Variants in KRT23 observed in about 807,000 individuals in gnomAD.
KRT23 encodes keratin, type I cytoskeletal 23.
Under a neutral mutation model 47.6 loss-of-function variants are expected in KRT23, and 38 were observed. That is an observed-to-expected ratio of 0.80 (90% CI 0.62 to 1.05). The LOEUF is 1.05. Ranked by LOEUF, KRT23 falls within the 50% of genes least tolerant of loss-of-function variation. The probability of loss-of-function intolerance (pLI) is 0.00; values close to 1 mark genes in which losing one functional copy is unlikely to be tolerated. For synonymous variants in KRT23, 191 were observed against 199.0 expected, an observed-to-expected ratio of 0.96 and a Z score of 0.34; for missense variants, 503 against 529.5, an observed-to-expected ratio of 0.95 and a Z score of 0.49.
intron 7 of KRT23, chr17:40,925,069 G>T (rs1299180028): frequency 1.7e-5 from 7 of 405,768 alleles, no homozygotes; most frequent in Non-Finnish European, 3.1e-5. Flanking sequence ...CCAAAATTGT[G>T]TGCATTCCTA....
In KRT23 at chr17:40,936,191, G is replaced by A. The variant is rs1471910313; in HGVS notation, c.396+17C>T. On this transcript the variant is annotated intron_variant, in intron 2 of 8. Transcript: ENST00000209718. ...AAGCAGCCCCATCTGGATCTCCAGG[G>A]TCACCCAGCATCTTACCTGCTCCTG... 6 of 1,613,726 alleles carry A rather than the reference G, an allele frequency of 3.7e-6. No homozygotes were observed. The highest frequency in any genetic ancestry group is 5.1e-6 in the Non-Finnish European group (6 of 1,179,908).
chr17:40,928,731 A>G, intron 4 of KRT23, 124 bp from the exon 5 acceptor site: 1 of 845,492 alleles, frequency 1.2e-6, no homozygotes, highest in Non-Finnish European at 1.8e-6. Context: ...TCCCACTGTC[A>G]CTGGTTTGGT....
At chr17:40,931,223 G>T (rs1001166156) in intron 3 of KRT23, 150 bp downstream of exon 3, 40 of 591,916 alleles carry the variant, frequency 6.8e-5, no homozygotes, top group Non-Finnish European at 9.9e-5. Context: ...TGTTGGCCAG[G>T]ATGGTCTCGA....
chr17:40,936,107 T>A, intron 2 of KRT23, 101 bp downstream of exon 2: 1 of 1,279,216 alleles, frequency 7.8e-7, no homozygotes, highest in Non-Finnish European at 1.1e-6. Flanking sequence ...CAAGCGCTGA[T>A]GCCATTTTCC....
intron 4 of KRT23, 169 bp downstream of exon 4, chr17:40,929,771 C>T (rs1347854857): frequency 1.9e-6 from 1 of 533,834 alleles, no homozygotes; most frequent in South Asian, 4.2e-5. Context: ...GACTAGCTAA[C>T]CTTGAAATTA....
chr17:40,931,328 GCAAA>G, intron 3 of KRT23, 41 bp downstream of exon 3: 2 of 1,458,446 alleles, frequency 1.4e-6, no homozygotes, highest in Non-Finnish European at 1.9e-6. Flanking sequence ...CTTTTGTAAA[GCAAA>G]CAAACAAAAA....
chr17:40,931,400 C>T lies in KRT23; in HGVS notation c.452G>A (p.Arg151Lys), dbSNP rs1909670699. 1 of 1,613,080 alleles carries T rather than the reference C, an allele frequency of 6.2e-7. No individual in the cohort carries two copies. Among genetic ancestry groups the T allele is most frequent in the Admixed American group, 1.7e-5 (1 of 60,008 alleles). ...GAGGTTGAAGTCATCCACTGCCATC[C>T]TGGCATTGTCAATGAGAAGAATAAT... ...AQIILLIDNARMAVDDFNLKY... is the reference protein window; with the variant it reads ...AQIILLIDNAKMAVDDFNLKY... Residue 151 changes from arginine to lysine, a missense_variant, in exon 3 of 9, where the codon AGG becomes AAG. Transcript: ENST00000209718.
chr17:40,925,387 G>C lies in KRT23; in HGVS notation c.1109C>G (p.Thr370Arg). Residue 370 changes from threonine (T) to arginine (R), a missense_variant, in exon 7 of 9, where the codon ACG becomes AGG. Transcript: ENST00000209718. ...CTCTCCCTCCAGGAGCCGTCGGTAC[G>C]TGGTGATTTCCTTCTCCAGGTGGGT... ...IKTHLEKEIT[T>R]YRRLLEGESE... 6.2e-7 allele frequency: 1 copy of C among 1,613,824 alleles called. No individual in the cohort carries two copies.
chr17:40,931,816 T>C (rs1363182156), intron 2 of KRT23, among the ~76,000 whole-genome samples: 1 of 152,232 alleles, frequency 6.6e-6, no homozygotes, highest in Admixed American at 6.5e-5. Flanking sequence ...GGACATGTCA[T>C]AGCATTTTGC....
Position 40,928,012 on chromosome 17 carries a change from T to G in KRT23, c.921+226A>C, listed in dbSNP as rs180758852. 3.0e-4 allele frequency among the ~76,000 whole-genome samples: 45 copies of G among 152,280 alleles called. No individual in the cohort carries two copies. In the East Asian group the frequency reaches 6.0e-3, roughly 20 times the overall value. The stretch of plus-strand genomic sequence containing the variant: ...TATCTGGGAAGGTTACTGTAAGGAT[T>G]AATGACATTTAATATCATGAACTAC... On this transcript the variant is annotated intron_variant, in intron 6 of 8. Transcript: ENST00000209718.
Position 40,936,107 on chromosome 17 carries a change from T to C in KRT23, c.396+101A>G, listed in dbSNP as rs1279138660. ...TGTGCACAATTACTTCAAGCGCTGATGCCATTTTCCTGGAAATTGTCTTCT... is the reference window on the plus strand; with the variant it reads ...TGTGCACAATTACTTCAAGCGCTGACGCCATTTTCCTGGAAATTGTCTTCT... On this transcript the variant is annotated intron_variant, in intron 2 of 8. Coordinates refer to ENST00000209718, the MANE Select transcript of KRT23 (RefSeq NM_015515.5). 8 of 1,279,096 alleles carry C rather than the reference T, an allele frequency of 6.3e-6. No individual in the cohort carries two copies. In the Admixed American group the frequency reaches 1.6e-4, roughly 26 times the overall value. The allele number at this position is 1,279,096 out of a possible 1,614,324, so 79.2% of individuals were successfully genotyped here.
At chr17:40,933,106 C>A (rs8067869) in intron 2 of KRT23, among the ~76,000 whole-genome samples, 2 of 151,986 alleles carry the variant, frequency 1.3e-5, no homozygotes, top group African/African-American at 2.4e-5. Flanking sequence ...AATAATACAC[C>A]TTTCTTTTTA....
intron 2 of KRT23, among the ~76,000 whole-genome samples, chr17:40,933,302 A>G (rs973806577): frequency 2.0e-5 from 3 of 152,136 alleles, no homozygotes; most frequent in Non-Finnish European, 4.4e-5. Context: ...TGCTATAAAG[A>G]AGGACACTTT....
Position 40,925,478 on chromosome 17 carries a change from G to A in KRT23, c.1018C>T (p.Leu340=), listed in dbSNP as rs148318927. 3.3e-3 allele frequency: 5,327 copies of A among 1,614,176 alleles called. 14 individuals carry two copies. The highest frequency in any genetic ancestry group is 0.014 in the Middle Eastern group (85 of 6,054). The change falls in exon 7 of 9, where the codon CTG becomes TTG. Residue 340 remains leucine (L), a synonymous_variant. Coordinates refer to ENST00000209718, the MANE Select transcript of KRT23 (RefSeq NM_015515.5). The stretch of plus-strand genomic sequence containing the variant: ...TCCAGTTCATGGCGTAGCTGCGTCA[G>A]TTCCTCCTCATAGTGGGAGATGATC... ...QEIISHYEEE[L]TQLRHELERQ...
At chr17:40,934,601 A>G (rs1449368490) in intron 2 of KRT23, among the ~76,000 whole-genome samples, 2 of 152,212 alleles carry the variant, frequency 1.3e-5, no homozygotes, top group Admixed American at 6.5e-5. Context: ...TGCAAGTATA[A>G]TGCATTATCT....
chr17:40,933,648 C>T (rs1026623582), intron 2 of KRT23, among the ~76,000 whole-genome samples: 1 of 152,216 alleles, frequency 6.6e-6, no homozygotes, highest in African/African-American at 2.4e-5. Flanking sequence ...CTATCATTCT[C>T]ATAGCACACA....
chr17:40,933,537 C>A (rs1338780686), intron 2 of KRT23, among the ~76,000 whole-genome samples: 2 of 152,176 alleles, frequency 1.3e-5, no homozygotes, highest in Admixed American at 1.3e-4. Flanking sequence ...TCCAGAGAAT[C>A]AGAAAATCAA....
At chr17:40,929,730 G>T in intron 4 of KRT23, 1 of 483,610 alleles carries the variant, frequency 2.1e-6, no homozygotes, top group Non-Finnish European at 3.6e-6. Flanking sequence ...CATTAATTAT[G>T]ATTGCATTTT....
chr17:40,930,796 TA>T (rs1909611287), intron 3 of KRT23, among the ~76,000 whole-genome samples: 2 of 146,498 alleles, frequency 1.4e-5, no homozygotes, highest in South Asian at 4.4e-4. Flanking sequence ...AATAAATAAA[TA>T]AATAAAATAA....
Sources: allele counts gnomAD v4.1 joint callset (sites outside exome capture counted in the v4.1 genomes callset), GRCh38; gene constraint gnomAD v4.1.1; transcripts MANE v1.5; gene names NCBI Gene and HGNC (gene_info 2026-07-23, HGNC 2026-07-21).